FAR1: variants seen among roughly 807,000 people sequenced by gnomAD.
FAR1 encodes the protein male sterility domain-containing protein 2.
FAR1 carries 22 observed loss-of-function variants against 61.1 expected under a neutral mutation model. The ratio of observed to expected loss-of-function variants is 0.36; its 90% CI spans 0.26 to 0.51. The LOEUF is 0.51. FAR1 is among the 20% of genes least tolerant of loss of function. The probability of loss-of-function intolerance (pLI) is 0.95; values close to 1 mark genes in which losing one functional copy is unlikely to be tolerated. For missense variants in FAR1, 359 were observed against 626.9 expected (o/e 0.57, Z 4.56); for synonymous variants, 206 against 209.7 (o/e 0.98, Z 0.15).
chr11:13,694,780 A>C lies in FAR1; in HGVS notation c.15A>C (p.Pro5=), dbSNP rs1216462595. The change falls in exon 2 of 12, where the codon CCA becomes CCC. Residue 5 remains proline (P), a synonymous_variant. Coordinates refer to ENST00000354817, the MANE Select transcript of FAR1 (RefSeq NM_032228.6). MVSI[P]EYYEGKNVLL... is the part of the protein sequence containing the mutation. ...TTAGGATCAAAATGGTTTCAATCCC[A>C]GAATACTATGAAGGCAAGAACGTCC... 2 of 1,612,742 alleles carry C rather than the reference A, an allele frequency of 1.2e-6. No homozygotes were observed. The highest frequency in any genetic ancestry group is 1.3e-5 in the African/African-American group (1 of 75,012).
At chr11:13,682,237 A>C (rs978310772) in intron 1 of FAR1, among the ~76,000 whole-genome samples, 3 of 152,218 alleles carry the variant, frequency 2.0e-5, no homozygotes, top group African/African-American at 7.2e-5. Context: ...TGTCAGTAAC[A>C]ATAGTAGTAG....
At chr11:13,726,189 A>G (rs1178389899) in intron 10 of FAR1, among the ~76,000 whole-genome samples, 1 of 152,040 alleles carries the variant, frequency 6.6e-6, no homozygotes, top group Non-Finnish European at 1.5e-5. Flanking sequence ...TTCTATATAT[A>G]TATTAAGCCA....
chr11:13,727,554 A>T lies in FAR1; in HGVS notation c.1258-2A>T. On this transcript the variant is annotated splice_acceptor_variant, in intron 10 of 11. Coordinates refer to ENST00000354817, the MANE Select transcript of FAR1 (RefSeq NM_032228.6). LOFTEE classifies it high-confidence loss of function. ...TAATCAGTAATTTTTTTGTTAACGT[A>T]GACCTTCAATATTGATGTACGGCAG... The T allele has an allele frequency of 6.3e-7, 1 of 1,591,574 alleles. No individual in the cohort carries two copies.
chr11:13,710,184 G>C (rs149940266), intron 4 of FAR1, among the ~76,000 whole-genome samples: 199 of 152,066 alleles, frequency 1.3e-3, no homozygotes, highest in African/African-American at 4.6e-3. Flanking sequence ...AATTATAACT[G>C]TATATAATTA....
At chr11:13,707,571 T>G (rs1035676858) in intron 3 of FAR1, among the ~76,000 whole-genome samples, 1 of 152,176 alleles carries the variant, frequency 6.6e-6, no homozygotes, top group African/African-American at 2.4e-5. Context: ...AAAATCAAGA[T>G]GCAAAATAAG....
chr11:13,726,227 A>G (rs1848665801), intron 10 of FAR1, among the ~76,000 whole-genome samples: 1 of 152,046 alleles, frequency 6.6e-6, no homozygotes, highest in Admixed American at 6.6e-5. Flanking sequence ...ATTGCAGCTT[A>G]TGCAATAAAT....
chr11:13,693,748 C>T (rs1282837586), intron 1 of FAR1, among the ~76,000 whole-genome samples: 11 of 152,098 alleles, frequency 7.2e-5, no homozygotes. Flanking sequence ...GGCTATTCTA[C>T]CAATTCAGTC....
In FAR1 at chr11:13,708,480, C is replaced by T. The variant is rs909931596; in HGVS notation, c.545+401C>T. 1.6e-3 allele frequency among the ~76,000 whole-genome samples: 202 copies of T among 124,716 alleles called. 1 individual carries two copies. The highest frequency in any genetic ancestry group is 5.3e-3 in the African/African-American group (190 of 35,778). 81.8% of individuals were successfully genotyped at this position (124,716 alleles called of 152,430 possible). A position where few individuals can be genotyped will look rare whatever the true frequency, so the allele number is the denominator to read the frequency against. Reference sequence around the variant, plus strand: ...ACACACACACACACACACACACATACATTTATCTCTTTTCTTCAAAAATTT... The same window carrying T: ...ACACACACACACACACACACACATATATTTATCTCTTTTCTTCAAAAATTT... On this transcript the variant is annotated intron_variant, in intron 4 of 11. Coordinates refer to ENST00000354817, the MANE Select transcript of FAR1 (RefSeq NM_032228.6).
At chr11:13,670,388 A>C (rs1303753986) in intron 1 of FAR1, among the ~76,000 whole-genome samples, 1 of 152,178 alleles carries the variant, frequency 6.6e-6, no homozygotes, top group African/African-American at 2.4e-5. Flanking sequence ...TCCCAGGTTC[A>C]AGTGATCAGC....
At chr11:13,719,034 G>A (rs1848582274) in intron 9 of FAR1, among the ~76,000 whole-genome samples, 1 of 152,180 alleles carries the variant, frequency 6.6e-6, no homozygotes, top group African/African-American at 2.4e-5. Flanking sequence ...ACACCTTTCT[G>A]ACCTAGCCTC....
chr11:13,725,137 A>G (rs1307248822), intron 10 of FAR1, among the ~76,000 whole-genome samples: 1 of 152,224 alleles, frequency 6.6e-6, no homozygotes, highest in Non-Finnish European at 1.5e-5. Context: ...GCTATTAGGA[A>G]TAATTATCCT....
chr11:13,710,079 A>T (rs1377920069), intron 4 of FAR1, among the ~76,000 whole-genome samples: 1 of 152,116 alleles, frequency 6.6e-6, no homozygotes, highest in East Asian at 1.9e-4. Context: ...TGTTCATCAT[A>T]GCATTTGTTA....
At position 13,732,101 on chromosome 11, in the gene FAR1, G is replaced by A. The variant is rs1591276503; in HGVS notation, c.*3327G>A. 3 of 149,740 alleles carry A rather than the reference G, an allele frequency of 2.0e-5. No individual in the cohort carries two copies. The highest frequency in any genetic ancestry group is 4.4e-5 in the Non-Finnish European group (3 of 67,674). 9.3% of individuals were successfully genotyped at this position (149,740 alleles called of 1,614,324 possible). ...ATGTATGCCACGTAACTGGATTACA[G>A]AAATGAGTTAATTGTCTCTGTGATA... On this transcript the variant is annotated 3_prime_UTR_variant, in exon 12 of 12. Transcript: ENST00000354817.
intron 1 of FAR1, among the ~76,000 whole-genome samples, chr11:13,675,237 GAGACTGTACATATGTGAAAC>G (rs1425905351): frequency 1.3e-5 from 2 of 152,208 alleles, no homozygotes; most frequent in Non-Finnish European, 2.9e-5. Flanking sequence ...TATAATTGAA[GAGACTGTACATATGTGAAAC>G]AGAATGTAGC....
intron 3 of FAR1, 193 bp downstream of exon 3, chr11:13,700,685 C>G (rs1467596375): frequency 8.9e-6 from 3 of 337,942 alleles, no homozygotes; most frequent in African/African-American, 6.4e-5. Flanking sequence ...TCTTGGATAA[C>G]TAATACATGT....
At chr11:13,695,391 T>C (rs889884262) in intron 2 of FAR1, among the ~76,000 whole-genome samples, 8 of 152,120 alleles carry the variant, frequency 5.3e-5, no homozygotes, top group African/African-American at 1.9e-4. Flanking sequence ...AAGTCACATA[T>C]TCCCATTTAA....
chr11:13,694,528 A>T (rs144342001), intron 1 of FAR1, among the ~76,000 whole-genome samples: 3 of 152,310 alleles, frequency 2.0e-5, no homozygotes, highest in African/African-American at 7.2e-5. Context: ...AACGTGAGTG[A>T]CTTGTCTGAG....
At chr11:13,722,576 C>T (rs1427043054) in intron 10 of FAR1, among the ~76,000 whole-genome samples, 10 of 151,912 alleles carry the variant, frequency 6.6e-5, no homozygotes, top group African/African-American at 1.2e-4. Flanking sequence ...CGGGTTCAAG[C>T]GATTCTCCTG....
At chr11:13,675,620 G>A (rs1056626194) in intron 1 of FAR1, among the ~76,000 whole-genome samples, 1 of 152,126 alleles carries the variant, frequency 6.6e-6, no homozygotes, top group African/African-American at 2.4e-5. Flanking sequence ...TTTTTGGCAC[G>A]TTCTGTTAAA....
Sources: allele counts gnomAD v4.1 joint callset (sites outside exome capture counted in the v4.1 genomes callset), GRCh38; gene constraint gnomAD v4.1.1; transcripts MANE v1.5; gene names NCBI Gene and HGNC (gene_info 2026-07-23, HGNC 2026-07-21).